Variants in MAGI2 observed in about 807,000 individuals in gnomAD.
MAGI2 encodes membrane-associated guanylate kinase, WW and PDZ domain-containing protein 2.
MAGI2 carries 35 observed loss-of-function variants against 133.3 expected under a neutral mutation model. The ratio of observed to expected loss-of-function variants is 0.26; its 90% confidence interval spans 0.20 to 0.35. MAGI2 has a LOEUF of 0.35. MAGI2 is among the 10% of genes least tolerant of loss of function. MAGI2 has a pLI of 1.00. For missense variants in MAGI2, 1,636 were observed against 1,863.4 expected (o/e 0.88, Z 2.25); for synonymous variants, 729 against 710.6 (o/e 1.03, Z -0.41).
chr7:79,306,288 A>G (rs1368213044), intron 1 of MAGI2, among the ~76,000 whole-genome samples: 2 of 146,328 alleles, frequency 1.4e-5, no homozygotes, highest in East Asian at 4.0e-4. Flanking sequence ...ATATGTATAT[A>G]TATTATTTAT....
At chr7:78,996,101 T>C (rs763369632) in intron 2 of MAGI2, among the ~76,000 whole-genome samples, 69 of 152,188 alleles carry the variant, frequency 4.5e-4, no homozygotes, top group Non-Finnish European at 7.6e-4. Flanking sequence ...GGAATGGCCC[T>C]GGCTGGAGAC....
chr7:78,039,348 C>A (rs1351427841), intron 21 of MAGI2, among the ~76,000 whole-genome samples: 3 of 152,142 alleles, frequency 2.0e-5, no homozygotes, highest in Admixed American at 1.3e-4. Context: ...GTTCTGGGGA[C>A]CAAAGACTAA....
At chr7:78,340,815 T>A (rs2151178158) in intron 9 of MAGI2, among the ~76,000 whole-genome samples, 1 of 152,132 alleles carries the variant, frequency 6.6e-6, no homozygotes, top group East Asian at 1.9e-4. Flanking sequence ...CTCAAAATAA[T>A]AAGAGCTATT....
intron 11 of MAGI2, among the ~76,000 whole-genome samples, chr7:78,197,032 T>C (rs971188218): frequency 6.6e-6 from 1 of 152,188 alleles, no homozygotes; most frequent in African/African-American, 2.4e-5. Flanking sequence ...AACTGTTAAA[T>C]ATGGTTTGAG....
chr7:78,691,173 C>T (rs916198017), intron 2 of MAGI2, among the ~76,000 whole-genome samples: 1 of 152,146 alleles, frequency 6.6e-6, no homozygotes, highest in African/African-American at 2.4e-5. Flanking sequence ...CATGTAAAGA[C>T]TTCATCTTAT....
At chr7:78,539,199 T>G (rs56315900) in intron 3 of MAGI2, among the ~76,000 whole-genome samples, 11,131 of 152,328 alleles carry the variant, frequency 0.073, 514 homozygotes, top group Non-Finnish European at 0.11. Context: ...CTATGTCAAT[T>G]TTGCTGAATG....
At chr7:78,150,169 T>C (rs1296001965) in intron 16 of MAGI2, among the ~76,000 whole-genome samples, 2 of 152,172 alleles carry the variant, frequency 1.3e-5, no homozygotes, top group Non-Finnish European at 2.9e-5. Flanking sequence ...ACTCCCTAAG[T>C]TCCTGATGGA....
At chr7:78,681,235 C>T (rs891469583) in intron 2 of MAGI2, among the ~76,000 whole-genome samples, 25 of 151,998 alleles carry the variant, frequency 1.6e-4, no homozygotes, top group Admixed American at 4.6e-4. Flanking sequence ...TCAATAACCC[C>T]GAGATGTACA....
At chr7:78,365,638 A>G (rs1264462977) in intron 7 of MAGI2, among the ~76,000 whole-genome samples, 3 of 152,232 alleles carry the variant, frequency 2.0e-5, no homozygotes, top group African/African-American at 7.2e-5. Flanking sequence ...TAAGCACTCA[A>G]TAAAGGTTAA....
chr7:78,309,611 G>T (rs1021918223), intron 9 of MAGI2, among the ~76,000 whole-genome samples: 3 of 151,930 alleles, frequency 2.0e-5, no homozygotes, highest in African/African-American at 4.8e-5. Context: ...TACCCCAAAC[G>T]TCAGTGTCAC....
chr7:79,282,922 A>G (rs1835761489), intron 1 of MAGI2, among the ~76,000 whole-genome samples: 1 of 152,094 alleles, frequency 6.6e-6, no homozygotes, highest in South Asian at 2.1e-4. Context: ...TTACAAATGT[A>G]GATCTAAAGC....
intron 2 of MAGI2, among the ~76,000 whole-genome samples, chr7:78,726,480 A>G (rs1355162532): frequency 6.6e-6 from 1 of 152,226 alleles, no homozygotes; most frequent in Non-Finnish European, 1.5e-5. Context: ...TCAAATGAAA[A>G]TAAGAGGTAT....
At chr7:78,995,928 CAT>C (rs1037498291) in intron 2 of MAGI2, among the ~76,000 whole-genome samples, 5 of 152,268 alleles carry the variant, frequency 3.3e-5, no homozygotes, top group South Asian at 2.1e-4. Context: ...CAATTTCCCA[CAT>C]GTCTTCAAAG....
intron 1 of MAGI2, among the ~76,000 whole-genome samples, chr7:79,403,965 G>A (rs1845636853): frequency 6.6e-6 from 1 of 152,130 alleles, no homozygotes; most frequent in Non-Finnish European, 1.5e-5. Context: ...GTGACAAGAA[G>A]CCAGAGGTAT....
In MAGI2 at chr7:79,327,996, T is replaced by C. The variant is rs1382772726; in HGVS notation, c.301+125024A>G. On this transcript the variant is annotated intron_variant, in intron 1 of 21. Coordinates refer to ENST00000354212, the MANE Select transcript of MAGI2 (RefSeq NM_012301.4). Reference sequence around the variant, plus strand: ...AATGGTATGAAAATTTCAATATATATCATAACTTATTTAACTGGCCGTCCT... The same window carrying C: ...AATGGTATGAAAATTTCAATATATACCATAACTTATTTAACTGGCCGTCCT... 4.6e-5 allele frequency among the ~76,000 whole-genome samples: 7 copies of C among 152,276 alleles called. No homozygotes were observed. In the East Asian group the frequency reaches 1.3e-3, roughly 29 times the overall value.
chr7:78,399,473 A>C (rs1436885215), intron 6 of MAGI2, among the ~76,000 whole-genome samples: 1 of 152,192 alleles, frequency 6.6e-6, no homozygotes, highest in Non-Finnish European at 1.5e-5. Flanking sequence ...CACTATTTGC[A>C]TCAGTCGAGG....
intron 2 of MAGI2, among the ~76,000 whole-genome samples, chr7:78,719,174 G>A (rs956966359): frequency 6.6e-6 from 1 of 152,044 alleles, no homozygotes; most frequent in African/African-American, 2.4e-5. Flanking sequence ...CAATTAATAG[G>A]ATGTTAAAGA....
intron 6 of MAGI2, among the ~76,000 whole-genome samples, chr7:78,450,208 A>G (rs959545020): frequency 1.3e-5 from 2 of 152,004 alleles, no homozygotes; most frequent in Non-Finnish European, 2.9e-5. Context: ...TGTGATGAAC[A>G]ATACAAAATA....
intron 2 of MAGI2, among the ~76,000 whole-genome samples, chr7:78,710,598 C>T (rs569449844): frequency 1.3e-5 from 2 of 152,106 alleles, no homozygotes; most frequent in Non-Finnish European, 2.9e-5. Flanking sequence ...GTACAATATC[C>T]TATTGATGAA....
Sources: allele counts gnomAD v4.1 joint callset (sites outside exome capture counted in the v4.1 genomes callset), GRCh38; gene constraint gnomAD v4.1.1; transcripts MANE v1.5; gene names NCBI Gene and HGNC (gene_info 2026-07-23, HGNC 2026-07-21).